MACROD2: variants seen among roughly 807,000 people sequenced by gnomAD.
MACROD2 encodes the protein mono-ADP ribosylhydrolase 2.
In MACROD2, 36 loss-of-function variants were observed where a neutral mutation model predicts 70.4. The ratio of observed to expected loss-of-function variants is 0.51; its 90% CI spans 0.39 to 0.68. The LOEUF (loss-of-function observed/expected upper bound fraction) is 0.68, where lower values mean the gene tolerates loss of function less well. Among genes scored for constraint, MACROD2 ranks in the 30% least tolerant of loss-of-function variants. The pLI is 0.00. For synonymous variants in MACROD2, 172 were observed against 178.8 expected, an observed-to-expected ratio of 0.96 and a Z score of 0.30; for missense variants, 496 against 538.4, an observed-to-expected ratio of 0.92 and a Z score of 0.78.
intron 5 of MACROD2, among the ~76,000 whole-genome samples, chr20:14,969,403 T>TAC (rs1418105660): frequency 1.6e-5 from 2 of 123,542 alleles, no homozygotes; most frequent in African/African-American, 6.1e-5. Context: ...CACACACACA[T>TAC]ATATAAGCAT....
rs375504957 is a variant in MACROD2 at position 14,515,463 on chromosome 20, ACG to A, written c.301+21957_301+21958del. Among the ~76,000 whole-genome samples, 470 of 138,898 alleles carry A rather than the reference ACG, an allele frequency of 3.4e-3. 6 individuals carry two copies. The highest frequency in any genetic ancestry group is 0.012 in the African/African-American group (407 of 35,024). The allele number at this position is 138,898 out of a possible 152,430, so 91.1% of individuals were successfully genotyped here. A position where few individuals can be genotyped will look rare whatever the true frequency, so the allele number is the denominator to read the frequency against. ...TAAAGAATATGTGAGATACACACAC[ACG>A]CACACACACACACACACACACACAC... On this transcript the variant is annotated intron_variant, in intron 4 of 17. Coordinates refer to ENST00000684519, the MANE Select transcript of MACROD2 (RefSeq NM_001351661.2).
chr20:15,943,949 C>T (rs188757812), intron 12 of MACROD2, among the ~76,000 whole-genome samples: 1 of 152,164 alleles, frequency 6.6e-6, no homozygotes, highest in East Asian at 1.9e-4. Context: ...TCTATTGCTT[C>T]ATTTAACAAT....
chr20:15,334,359 C>T (rs1471557348), intron 6 of MACROD2, among the ~76,000 whole-genome samples: 1 of 151,500 alleles, frequency 6.6e-6, no homozygotes, highest in Non-Finnish European at 1.5e-5. Context: ...TTATTTTTGA[C>T]CTCTTCACTC....
intron 3 of MACROD2, among the ~76,000 whole-genome samples, chr20:14,322,267 T>C (rs1189898323): frequency 6.9e-6 from 1 of 145,410 alleles, no homozygotes; most frequent in Non-Finnish European, 1.5e-5. Flanking sequence ...TGTATCCTCT[T>C]GGTGCTCTGT....
At chr20:14,332,229 C>T (rs1275468039) in intron 3 of MACROD2, among the ~76,000 whole-genome samples, 2 of 152,034 alleles carry the variant, frequency 1.3e-5, no homozygotes, top group African/African-American at 4.8e-5. Context: ...ATAATGTAAT[C>T]ATCAAGTCTG....
At chr20:14,208,000 A>G (rs1487504252) in intron 3 of MACROD2, among the ~76,000 whole-genome samples, 1 of 152,204 alleles carries the variant, frequency 6.6e-6, no homozygotes, top group East Asian at 1.9e-4. Context: ...TTTTTAAAAT[A>G]GGAGTTGAAG....
intron 2 of MACROD2, among the ~76,000 whole-genome samples, chr20:14,018,520 A>G (rs1270259315): frequency 1.3e-5 from 2 of 152,114 alleles, no homozygotes; most frequent in East Asian, 3.8e-4. Flanking sequence ...TATGTTGCCT[A>G]ATTTCCACAT....
intron 2 of MACROD2, among the ~76,000 whole-genome samples, chr20:14,036,522 T>C (rs1414737350): frequency 1.3e-5 from 2 of 152,136 alleles, no homozygotes; most frequent in Admixed American, 1.3e-4. Context: ...TCATAGAAAA[T>C]CAATTTTGGG....
At chr20:14,554,594 A>G (rs1978898956) in intron 4 of MACROD2, among the ~76,000 whole-genome samples, 1 of 152,076 alleles carries the variant, frequency 6.6e-6, no homozygotes, top group Non-Finnish European at 1.5e-5. Flanking sequence ...TTAACCCCAA[A>G]CTACCCTCCA....
At chr20:14,551,715 G>T (rs577351245) in intron 4 of MACROD2, among the ~76,000 whole-genome samples, 5 of 152,170 alleles carry the variant, frequency 3.3e-5, no homozygotes, top group Admixed American at 6.5e-5. Flanking sequence ...GAATATATAA[G>T]AATAGACCTT....
At chr20:15,469,739 G>A (rs979051348) in intron 7 of MACROD2, among the ~76,000 whole-genome samples, 2 of 152,122 alleles carry the variant, frequency 1.3e-5, no homozygotes, top group African/African-American at 2.4e-5. Flanking sequence ...GCATCAGAAG[G>A]GATTAAGGGG....
intron 5 of MACROD2, among the ~76,000 whole-genome samples, chr20:14,748,184 T>A (rs2071824437): frequency 6.6e-6 from 1 of 152,066 alleles, no homozygotes; most frequent in African/African-American, 2.4e-5. Flanking sequence ...AGCATGCCCA[T>A]GTCATGTGCT....
intron 15 of MACROD2, among the ~76,000 whole-genome samples, chr20:15,991,648 C>T (rs1026013578): frequency 6.6e-6 from 1 of 152,158 alleles, no homozygotes; most frequent in African/African-American, 2.4e-5. Flanking sequence ...CTTACTGGAA[C>T]ATTCTACCTT....
chr20:15,145,847 T>C (rs2076226344), intron 5 of MACROD2, among the ~76,000 whole-genome samples: 1 of 152,142 alleles, frequency 6.6e-6, no homozygotes, highest in African/African-American at 2.4e-5. Context: ...AAGTGGGTTT[T>C]AAGTAGTGAA....
intron 6 of MACROD2, among the ~76,000 whole-genome samples, chr20:15,301,732 A>T (rs2077646143): frequency 6.6e-6 from 1 of 151,648 alleles, no homozygotes; most frequent in African/African-American, 2.4e-5. Flanking sequence ...GCACCTGCCT[A>T]AAATTATATC....
chr20:15,457,547 G>T (rs908970630), intron 7 of MACROD2, among the ~76,000 whole-genome samples: 5 of 152,122 alleles, frequency 3.3e-5, no homozygotes, highest in African/African-American at 9.7e-5. Context: ...TGTTGGAAAT[G>T]CAGTTTTATC....
intron 4 of MACROD2, among the ~76,000 whole-genome samples, chr20:14,658,140 A>C (rs1468147192): frequency 6.6e-6 from 1 of 152,194 alleles, no homozygotes; most frequent in South Asian, 2.1e-4. Flanking sequence ...AAAAAAGATG[A>C]TTAAGGTTTA....
chr20:15,091,112 A>G (rs974721263), intron 5 of MACROD2, among the ~76,000 whole-genome samples: 2 of 152,028 alleles, frequency 1.3e-5, no homozygotes, highest in African/African-American at 4.8e-5. Context: ...GATCCTAGCA[A>G]TCCGAATTGC....
intron 5 of MACROD2, among the ~76,000 whole-genome samples, chr20:15,009,208 C>A (rs1020259909): frequency 1.3e-5 from 2 of 152,074 alleles, no homozygotes; most frequent in Non-Finnish European, 2.9e-5. Context: ...CTGGGGACAG[C>A]CTAGGTCACA....
Sources: gnomAD v4.1 joint callset for allele counts (sites outside exome capture counted in the v4.1 genomes callset) on GRCh38, gnomAD v4.1.1 for gene constraint, MANE v1.5 for transcripts, NCBI Gene and HGNC (gene_info 2026-07-23, HGNC 2026-07-21) for gene names.